The following SPAG5 variants were observed in gnomAD, a reference collection of about 807,000 sequenced individuals.
SPAG5 encodes the protein sperm-associated antigen 5.
Under a neutral mutation model 145.4 loss-of-function variants are expected in SPAG5, and 99 were observed. The ratio of observed to expected loss-of-function variants is 0.68; its 90% CI spans 0.58 to 0.80. The LOEUF is 0.80. Among genes scored for constraint, SPAG5 ranks in the 30% least tolerant of loss-of-function variants. The pLI is 0.00. For synonymous variants in SPAG5, 477 were observed against 525.4 expected, an observed-to-expected ratio of 0.91 and a Z score of 1.26; for missense variants, 1,192 against 1,416.0, an observed-to-expected ratio of 0.84 and a Z score of 2.54.
intron 2 of SPAG5, among the ~76,000 whole-genome samples, chr17:28,595,341 T>A (rs182036874): frequency 5.3e-5 from 8 of 152,146 alleles, no homozygotes; most frequent in Admixed American, 3.9e-4. Flanking sequence ...CATAAAGAGA[T>A]GTATGAAAGA....
At chr17:28,596,311 G>C (rs527255267) in intron 2 of SPAG5, among the ~76,000 whole-genome samples, 1 of 152,268 alleles carries the variant, frequency 6.6e-6, no homozygotes, top group Non-Finnish European at 1.5e-5. Flanking sequence ...GCAGTTAAGA[G>C]GGAAGGAGAA....
intron 15 of SPAG5, among the ~76,000 whole-genome samples, chr17:28,582,560 T>C (rs889472853): frequency 8.5e-5 from 13 of 152,214 alleles, no homozygotes; most frequent in Non-Finnish European, 1.3e-4. Flanking sequence ...TCTACCATGA[T>C]CATAAGTCAA....
intron 4 of SPAG5, among the ~76,000 whole-genome samples, chr17:28,587,698 A>C (rs1358739951): frequency 6.7e-6 from 1 of 149,102 alleles, no homozygotes; most frequent in Non-Finnish European, 1.5e-5. Context: ...AGTGTGGGTA[A>C]CAGAGTGAGA....
chr17:28,586,394 C>T (rs1022891876), intron 5 of SPAG5, 31 bp downstream of exon 5: 14 of 1,550,314 alleles, frequency 9.0e-6, no homozygotes, highest in Non-Finnish European at 1.2e-5. Flanking sequence ...ACAGGAGACC[C>T]AGTGGTGGTG....
At position 28,592,745 on chromosome 17, in the gene SPAG5, CT is replaced by C. The variant is rs755108861; in HGVS notation, c.498del (p.Asp167ThrfsTer4). Reference protein sequence around the residue: ...NSISLNGPLRTDDLVREEVAP... With the variant: ...NSISLNGPLRXDDLVREEVAP... ...GCCACCTCCTCTCTCACCAGATCGT[CT>C]GTTCTCAAAGGTCCATTTAAAGATA... is the stretch of plus-strand genomic sequence containing the variant. On this transcript the variant is annotated frameshift_variant, in exon 3 of 24. Coordinates refer to ENST00000321765, the MANE Select transcript of SPAG5 (RefSeq NM_006461.4). LOFTEE classifies it high-confidence loss of function. The C allele has an allele frequency of 6.2e-7, 1 of 1,614,210 alleles. No individual in the cohort carries two copies. Among genetic ancestry groups the C allele is most frequent in the South Asian group, 1.1e-5 (1 of 91,090 alleles).
Position 28,592,796 on chromosome 17 carries a change from C to T in SPAG5, c.448G>A (p.Asp150Asn). Residue 150 changes from aspartate (D) to asparagine (N), a missense_variant, in exon 3 of 24, where the codon GAT becomes AAT. Transcript: ENST00000321765. ...ATGCTGTTTGTCTCTGCCATGGTAT[C>T]TAAACGGGCCTCAAATATCATGTCT... The part of the protein sequence containing the change: ...QQDMIFEARL[D>N]TMAETNSISL... The T allele has an allele frequency of 6.2e-7, 1 of 1,614,176 alleles. No homozygotes were observed. The highest frequency in any genetic ancestry group is 2.2e-5 in the East Asian group (1 of 44,892).
chr17:28,579,351 T>C lies in SPAG5; in HGVS notation c.3005+14A>G. The C allele has an allele frequency of 3.7e-6, 6 of 1,614,082 alleles. No individual in the cohort carries two copies. Among genetic ancestry groups the C allele is most frequent in the Non-Finnish European group, 5.1e-6 (6 of 1,179,978 alleles). On this transcript the variant is annotated intron_variant, in intron 18 of 23. Transcript: ENST00000321765. ...CTCACTGTCCCTCTGTCACCAAAAC[T>C]GCATCCCACTCACATTTTTCGCTGC...
In SPAG5 at chr17:28,592,452, G is replaced by A. The variant is rs2151522800; in HGVS notation, c.792C>T (p.Asp264=). 4 of 1,613,572 alleles carry A rather than the reference G, an allele frequency of 2.5e-6. No individual in the cohort carries two copies. The highest frequency in any genetic ancestry group is 1.6e-4 in the Middle Eastern group (1 of 6,062). The change falls in exon 3 of 24, where the codon GAC becomes GAT. Residue 264 remains aspartate (D), a synonymous_variant. Coordinates refer to ENST00000321765, the MANE Select transcript of SPAG5 (RefSeq NM_006461.4). ...CATGCTCTACAATTTCCTCCTCTGG[G>A]TCCACATGATTGACACGGAAATCTG... ...LAADFRVNHV[D]PEEEIVEHGA... is the part of the protein sequence containing the mutation.
At position 28,584,762 on chromosome 17, in the gene SPAG5, G is replaced by T; in HGVS notation, c.2068-17C>A. The T allele has an allele frequency of 1.3e-6, 2 of 1,562,550 alleles. No individual in the cohort carries two copies. Among genetic ancestry groups the T allele is most frequent in the Admixed American group, 1.7e-5 (1 of 59,944 alleles). ...CCTAGAAACCTAGGAAGAACAGATG[G>T]TTTTCCTCCTATAGTTCCTCCTGAA... On this transcript the variant is annotated splice_polypyrimidine_tract_variant and intron_variant, in intron 10 of 23. Transcript: ENST00000321765.
chr17:28,584,263 C>A lies in SPAG5; in HGVS notation c.2310-11G>T. 6.2e-7 allele frequency: 1 copy of A among 1,613,886 alleles called. No homozygotes were observed. The highest frequency in any genetic ancestry group is 8.5e-7 in the Non-Finnish European group (1 of 1,180,020). On this transcript the variant is annotated splice_polypyrimidine_tract_variant and intron_variant, in intron 12 of 23. Transcript: ENST00000321765. Reference sequence around the variant, plus strand: ...TCTTCCTTTTGCCATCTGCCAGAGACAACATATTAGATCCCATTTGGTCCT... The same window carrying A: ...TCTTCCTTTTGCCATCTGCCAGAGAAAACATATTAGATCCCATTTGGTCCT...
intron 5 of SPAG5, 82 bp from the exon 6 acceptor site, chr17:28,586,264 C>G: frequency 7.6e-7 from 1 of 1,309,442 alleles, no homozygotes; most frequent in Non-Finnish European, 1.1e-6. Flanking sequence ...AAACCGCTAA[C>G]CCCAATTCCA....
chr17:28,582,351 G>A (rs537857038), intron 15 of SPAG5, among the ~76,000 whole-genome samples: 11 of 152,274 alleles, frequency 7.2e-5, no homozygotes, highest in East Asian at 1.9e-4. Context: ...TTCTACGTAC[G>A]ACTCTCATAT....
intron 4 of SPAG5, among the ~76,000 whole-genome samples, chr17:28,591,428 AT>A (rs976771595): frequency 9.9e-5 from 15 of 152,246 alleles, no homozygotes; most frequent in African/African-American, 3.4e-4. Flanking sequence ...TATCCAGCTG[AT>A]TTTTTAAAAA....
rs1266793731 is a variant in SPAG5 at position 28,583,966 on chromosome 17, C to A, written c.2433G>T (p.Gln811His). 1 of 1,614,002 alleles carries A rather than the reference C, an allele frequency of 6.2e-7. No individual in the cohort carries two copies. Among genetic ancestry groups the A allele is most frequent in the Non-Finnish European group, 8.5e-7 (1 of 1,180,044 alleles). ...ETLEFADQEN[Q>H]VAHLELGQVE... ...CCTGACCCAGCTCCAGGTGAGCAAC[C>A]TGATTCTCCTGGTCTGCAAACTGGG... Residue 811 changes from glutamine (Q) to histidine (H), a missense_variant, in exon 14 of 24, where the codon CAG becomes CAT. Around this residue, in one of 5 missense-constraint regions of SPAG5, gnomAD observed 709 missense variants for 840.7 expected, o/e 0.84. Coordinates refer to ENST00000321765, the MANE Select transcript of SPAG5 (RefSeq NM_006461.4).
Position 28,583,886 on chromosome 17 carries a change from C to A in SPAG5, c.2513G>T (p.Cys838Phe), listed in dbSNP as rs1171894028. 1.2e-6 allele frequency: 2 copies of A among 1,614,094 alleles called. No homozygotes were observed. Among genetic ancestry groups the A allele is most frequent in the Non-Finnish European group, 1.7e-6 (2 of 1,180,048 alleles). ...CTCTACAGTGTCCTTGAGGTTCTCA[C>A]ACTGCAAGCTGCGCTCCCGGAGCAC... Reference protein sequence around the residue: ...LEVLRERSLQCENLKDTVENL... With the variant: ...LEVLRERSLQFENLKDTVENL... Residue 838 changes from cysteine (C) to phenylalanine (F), a missense_variant, in exon 14 of 24, where the codon TGT becomes TTT. By Grantham distance (205) the Cys-to-Phe change is radical (BLOSUM62 -2). Around this residue, in one of 5 missense-constraint regions of SPAG5, gnomAD observed 709 missense variants for 840.7 expected, o/e 0.84. Coordinates refer to ENST00000321765, the MANE Select transcript of SPAG5 (RefSeq NM_006461.4).
intron 11 of SPAG5, 45 bp downstream of exon 11, chr17:28,584,607 C>T (rs752670514): frequency 2.7e-5 from 43 of 1,600,096 alleles, no homozygotes; most frequent in Non-Finnish European, 3.4e-5. Context: ...CTTAACAGGG[C>T]TCAAATGCTT....
intron 4 of SPAG5, among the ~76,000 whole-genome samples, chr17:28,588,715 C>T (rs2070601309): frequency 6.6e-6 from 1 of 152,166 alleles, no homozygotes; most frequent in African/African-American, 2.4e-5. Context: ...GACAGCCTCA[C>T]TCTGTTGCCC....
intron 15 of SPAG5, among the ~76,000 whole-genome samples, chr17:28,582,558 G>A (rs1204258910): frequency 6.6e-6 from 1 of 152,194 alleles, no homozygotes; most frequent in African/African-American, 2.4e-5. Flanking sequence ...CCTCTACCAT[G>A]ATCATAAGTC....
At chr17:28,590,657 G>C (rs1431790032) in intron 4 of SPAG5, among the ~76,000 whole-genome samples, 1 of 151,714 alleles carries the variant, frequency 6.6e-6, no homozygotes, top group Non-Finnish European at 1.5e-5. Context: ...GATCATGAGG[G>C]CAGGAGTTCG....
Sources: gnomAD v4.1 joint callset for allele counts (sites outside exome capture counted in the v4.1 genomes callset) on GRCh38, gnomAD v4.1.1 for gene constraint, gnomAD v4.1.1 regional missense constraint, MANE v1.5 for transcripts, NCBI Gene and HGNC (gene_info 2026-07-23, HGNC 2026-07-21) for gene names.